RRP12: variants seen among roughly 807,000 people sequenced by gnomAD.
The protein encoded by RRP12 is ribosomal RNA processing 12 homolog.
A neutral mutation model predicts 157.3 loss-of-function variants in RRP12; 78 were observed. The observed-to-expected ratio is 0.50, with a 90% CI of 0.41 to 0.60. The LOEUF is 0.60. Ranked by LOEUF, RRP12 falls within the 20% of genes least tolerant of loss-of-function variation. RRP12 has a pLI of 0.00. For missense variants in RRP12, 1,521 were observed against 1,679.9 expected (o/e 0.91, Z 1.65); for synonymous variants, 726 against 670.9 (o/e 1.08, Z -1.27).
At position 97,387,590 on chromosome 10, in the gene RRP12, G is replaced by C. The variant is rs147572387; in HGVS notation, c.1017+662C>G. The stretch of plus-strand genomic sequence containing the variant: ...ACTGTATAAAGATTTACAGAATTGT[G>C]CTAGAAATGGTAGAAACACAGGAAA... On this transcript the variant is annotated intron_variant, in intron 8 of 33. Transcript: ENST00000370992. Among the ~76,000 whole-genome samples the C allele has an allele frequency of 2.5e-3, 375 of 151,534 alleles. 2 individuals carry two copies. The Middle Eastern group carries it at 0.065, about 26-fold the overall frequency.
At chr10:97,385,474 A>C (rs554189278) in intron 9 of RRP12, among the ~76,000 whole-genome samples, 1 of 151,802 alleles carries the variant, frequency 6.6e-6, no homozygotes, top group African/African-American at 2.4e-5. Flanking sequence ...GGAGCAGCGG[A>C]GTATCATGGG....
chr10:97,377,985 G>A (rs1009664822), intron 15 of RRP12, among the ~76,000 whole-genome samples: 1 of 152,124 alleles, frequency 6.6e-6, no homozygotes, highest in Middle Eastern at 3.4e-3. Flanking sequence ...CCATCACTAG[G>A]CTGAGCAATG....
chr10:97,393,036 C>G (rs1434856707), intron 4 of RRP12, among the ~76,000 whole-genome samples: 1 of 151,970 alleles, frequency 6.6e-6, no homozygotes, highest in Non-Finnish European at 1.5e-5. Flanking sequence ...TGTAGCCTAC[C>G]CAGCTAATTT....
chr10:97,365,276 T>TG (rs1286072921), intron 29 of RRP12, among the ~76,000 whole-genome samples: 1 of 148,660 alleles, frequency 6.7e-6, no homozygotes, highest in Admixed American at 6.7e-5. Flanking sequence ...CTAGGTGTTT[T>TG]TTTTTTTTTT....
rs368572888 is a variant in RRP12, at chr10:97,366,096, C to T, written c.3517+12G>A. 3.1e-6 allele frequency: 5 copies of T among 1,601,042 alleles called. No individual in the cohort carries two copies. The highest frequency in any genetic ancestry group is 4.2e-6 in the Non-Finnish European group (5 of 1,179,906). On this transcript the variant is annotated intron_variant, in intron 29 of 33. Coordinates refer to ENST00000370992, the MANE Select transcript of RRP12 (RefSeq NM_015179.4). ...AACACGGTGAATGAATGGACAAGCG[C>T]GTTGGGCCCACCTTTGGCACCTTCC...
chr10:97,394,185 T>C (rs1844890808), intron 3 of RRP12, among the ~76,000 whole-genome samples: 1 of 151,622 alleles, frequency 6.6e-6, no homozygotes, highest in African/African-American at 2.4e-5. Context: ...TACTAAAAAA[T>C]ACAAAAAATT....
intron 19 of RRP12, 95 bp from the exon 20 acceptor site, chr10:97,372,261 A>C (rs1243160593): frequency 4.5e-6 from 4 of 892,096 alleles, no homozygotes; most frequent in Non-Finnish European, 7.0e-6. Flanking sequence ...GGGAGGTGGG[A>C]GAAGTCAGGG....
At chr10:97,381,563 G>A (rs1844468414) in intron 11 of RRP12, 80 bp from the exon 12 acceptor site, 6 of 1,286,224 alleles carry the variant, frequency 4.7e-6, no homozygotes, top group Non-Finnish European at 5.4e-6. Flanking sequence ...ACAGTTTCCT[G>A]GGAGTCTAAG....
At chr10:97,384,368 C>T (rs1272340704) in intron 10 of RRP12, among the ~76,000 whole-genome samples, 2 of 150,378 alleles carry the variant, frequency 1.3e-5, no homozygotes, top group African/African-American at 4.9e-5. Context: ...TGAGGACCCC[C>T]CACCTTGGCA....
Position 97,381,418 on chromosome 10 carries a change from TGAGGCCGAG to T in RRP12, c.1377_1385del (p.Ser460_Ser462del). The T allele has an allele frequency of 6.2e-7, 1 of 1,613,200 alleles. No individual in the cohort carries two copies. Among genetic ancestry groups the T allele is most frequent in the Non-Finnish European group, 8.5e-7 (1 of 1,179,658 alleles). On this transcript the variant is annotated inframe_deletion, in exon 12 of 34. Transcript: ENST00000370992. ...TCTTGGCAACAGATTGGGCAGGGCC[TGAGGCCGAG>T]GAGGTCACGGAGCCAATGTCAGCCA...
At chr10:97,391,310 G>T (rs1207771714) in intron 4 of RRP12, among the ~76,000 whole-genome samples, 1 of 151,628 alleles carries the variant, frequency 6.6e-6, no homozygotes, top group African/African-American at 2.4e-5. Flanking sequence ...GGTGGCTCAC[G>T]CCTGTAATCC....
chr10:97,358,729 G>A (rs1415648598), intron 32 of RRP12, 110 bp from the exon 33 acceptor site: 76 of 911,088 alleles, frequency 8.3e-5, no homozygotes, highest in Non-Finnish European at 1.3e-4. Context: ...CTTAGGTGGT[G>A]CCAAAGAGCT....
intron 25 of RRP12, chr10:97,367,404 A>C: frequency 1.9e-6 from 1 of 521,506 alleles, no homozygotes; most frequent in Non-Finnish European, 3.4e-6. Context: ...CTTGACATAT[A>C]TCCTCTCCTT....
chr10:97,396,113 AAGGTTGTCCTTCTCTACCCCCACATGCC>A, intron 3 of RRP12, 77 bp downstream of exon 3: 1 of 804,490 alleles, frequency 1.2e-6, no homozygotes, highest in Non-Finnish European at 2.2e-6. Flanking sequence ...TCACCTGGTC[AAGGTTGTCCTTCTCTACCCCCACATGCC>A]AGGGGCACTC....
intron 2 of RRP12, among the ~76,000 whole-genome samples, chr10:97,398,014 T>TATATATAC (rs1845022489): frequency 1.4e-5 from 1 of 71,768 alleles, no homozygotes; most frequent in Non-Finnish European, 3.0e-5. Context: ...TACATATATA[T>TATATATAC]ATATATATGT....
chr10:97,394,824 T>A (rs931152486), intron 3 of RRP12, among the ~76,000 whole-genome samples: 2 of 152,210 alleles, frequency 1.3e-5, no homozygotes, highest in Admixed American at 1.3e-4. Flanking sequence ...GTTCTTTTTG[T>A]GTGTGTTTTA....
chr10:97,372,074 T>C lies in RRP12; in HGVS notation c.2342A>G (p.Glu781Gly). 1 of 1,611,654 alleles carries C rather than the reference T, an allele frequency of 6.2e-7. No individual in the cohort carries two copies. Among genetic ancestry groups the C allele is most frequent in the Non-Finnish European group, 8.5e-7 (1 of 1,178,508 alleles). Residue 781 changes from glutamate (E) to glycine (G), a missense_variant and splice_region_variant, in exon 20 of 34, where the codon GAG (glutamate) becomes GGG (glycine). Glu to Gly is a moderately conservative substitution (Grantham distance 98). Coordinates refer to ENST00000370992, the MANE Select transcript of RRP12 (RefSeq NM_015179.4). Reference protein sequence around the residue: ...KLYSTIRPYLESKAHGVQKKA... With the variant: ...KLYSTIRPYLGSKAHGVQKKA... ...GCGCTCCTGGCCCCCGAGGCTCACC[T>C]CTAGGTAGGGCCGGATGGTGGAGTA...
intron 15 of RRP12, 24 bp from the exon 16 acceptor site, chr10:97,373,918 G>A (rs576749297): frequency 2.5e-6 from 4 of 1,608,770 alleles, no homozygotes; most frequent in Admixed American, 1.7e-5. Context: ...GAGGGACAGA[G>A]TGTGAGCCCA....
In RRP12 at chr10:97,400,351, C is replaced by T. The variant is rs781194669; in HGVS notation, c.323G>A (p.Ser108Asn). ...GGACTCCCAGAAGCGCTGTACTTTG[C>T]TGAAGGTGACGTTTGTGCAGTCGGA... ...GLSDCTNVTFSKVQRFWESNS... is the reference protein window; with the variant it reads ...GLSDCTNVTFNKVQRFWESNS... Residue 108 changes from serine to asparagine, a missense_variant, in exon 2 of 34, where the codon AGC (serine) becomes AAC (asparagine). Ser to Asn is a conservative substitution (Grantham distance 46). Transcript: ENST00000370992. 6.2e-7 allele frequency: 1 copy of T among 1,614,022 alleles called. No individual in the cohort carries two copies. The highest frequency in any genetic ancestry group is 2.2e-5 in the East Asian group (1 of 44,866).
Sources: gnomAD v4.1 joint callset for allele counts (sites outside exome capture counted in the v4.1 genomes callset) on GRCh38, gnomAD v4.1.1 for gene constraint, MANE v1.5 for transcripts, NCBI Gene and HGNC (gene_info 2026-07-23, HGNC 2026-07-21) for gene names.